The following FGD5 variants were observed in gnomAD, a reference collection of about 807,000 sequenced individuals.
FGD5 encodes the protein FYVE, RhoGEF and PH domain-containing protein 5.
FGD5 carries 28 observed loss-of-function variants against 133.4 expected under a neutral mutation model. That is an observed-to-expected ratio of 0.21 (90% CI 0.16 to 0.29). The LOEUF (loss-of-function observed/expected upper bound fraction) is 0.29. FGD5 is among the 10% of genes least tolerant of loss of function. The probability of loss-of-function intolerance (pLI) is 1.00; values close to 1 mark genes in which losing one functional copy is unlikely to be tolerated. For synonymous variants in FGD5, 810 were observed against 776.5 expected (o/e 1.04, Z -0.72); for missense variants, 1,858 against 1,895.2 (o/e 0.98, Z 0.36).
At chr3:14,867,430 G>A (rs536832151) in intron 2 of FGD5, among the ~76,000 whole-genome samples, 2 of 152,310 alleles carry the variant, frequency 1.3e-5, no homozygotes, top group African/African-American at 4.8e-5. Flanking sequence ...AGTTTCATCA[G>A]CATTGCAGTG....
At chr3:14,902,466 C>T (rs2038258656) in intron 9 of FGD5, among the ~76,000 whole-genome samples, 1 of 151,938 alleles carries the variant, frequency 6.6e-6, no homozygotes, top group African/African-American at 2.4e-5. Context: ...GCGTTGGGGA[C>T]AGGATGGCAA....
chr3:14,924,253 C>G, intron 17 of FGD5, 115 bp downstream of exon 17: 1 of 1,483,784 alleles, frequency 6.7e-7, no homozygotes, highest in East Asian at 2.3e-5. Flanking sequence ...CTCTTCCAGA[C>G]AGAGCATTCC....
intron 1 of FGD5, among the ~76,000 whole-genome samples, chr3:14,843,664 AT>A (rs2036968196): frequency 6.8e-6 from 1 of 146,342 alleles, no homozygotes; most frequent in Admixed American, 6.8e-5. Flanking sequence ...CTTGGGCTCT[AT>A]ACCTGTGCAT....
chr3:14,827,641 C>T (rs1223637022), intron 1 of FGD5, among the ~76,000 whole-genome samples: 2 of 152,116 alleles, frequency 1.3e-5, no homozygotes, highest in African/African-American at 2.4e-5. Context: ...TTTCTGCTGG[C>T]TGGTGGGTTT....
intron 1 of FGD5, among the ~76,000 whole-genome samples, chr3:14,862,794 T>G (rs2037423553): frequency 6.6e-6 from 1 of 152,080 alleles, no homozygotes; most frequent in Admixed American, 6.5e-5. Context: ...CAACCCATTA[T>G]GTCAGTGGAG....
chr3:14,887,987 G>C (rs1374368499), intron 4 of FGD5, among the ~76,000 whole-genome samples: 2 of 146,144 alleles, frequency 1.4e-5, no homozygotes, highest in Non-Finnish European at 3.0e-5. Context: ...GAAACATAGT[G>C]AGACCCCATC....
chr3:14,927,230 C>A (rs973402109), intron 18 of FGD5, among the ~76,000 whole-genome samples: 2 of 152,226 alleles, frequency 1.3e-5, no homozygotes, highest in African/African-American at 4.8e-5. Context: ...GGGCCTTTGC[C>A]TGTGTCCACA....
In FGD5 at chr3:14,819,101, C is replaced by A; in HGVS notation, c.30C>A (p.Ala10=). Residue 10 remains alanine (A), a synonymous_variant, in exon 1 of 20, where the codon GCC becomes GCA. Transcript: ENST00000285046. This position sits in a 1 kb window ranked among gnomAD's most constrained non-coding sequence, Gnocchi z 4.1. The part of the protein sequence containing the change: MFRGPKPPI[A]PKPRLTAPNE... Reference sequence around the variant, plus strand: ...TCAGGGGTCCGAAGCCCCCCATTGCCCCCAAGCCCAGGCTGACTGCCCCAA... The same window carrying A: ...TCAGGGGTCCGAAGCCCCCCATTGCACCCAAGCCCAGGCTGACTGCCCCAA... The A allele has an allele frequency of 6.5e-7, 1 of 1,550,118 alleles. No homozygotes were observed. The highest frequency in any genetic ancestry group is 1.4e-5 in the African/African-American group (1 of 73,106).
intron 1 of FGD5, among the ~76,000 whole-genome samples, chr3:14,842,027 A>G (rs1053946416): frequency 1.3e-5 from 2 of 152,226 alleles, no homozygotes; most frequent in Admixed American, 1.3e-4. Flanking sequence ...AAGGCATCCC[A>G]GCTTGGGCAG....
intron 1 of FGD5, among the ~76,000 whole-genome samples, chr3:14,853,775 C>T (rs2037216314): frequency 6.9e-6 from 1 of 144,048 alleles, no homozygotes; most frequent in Admixed American, 7.2e-5. Context: ...CCGGGTTACA[C>T]AGCGTTCATC....
At chr3:14,860,204 G>A (rs965040717) in intron 1 of FGD5, among the ~76,000 whole-genome samples, 10 of 152,290 alleles carry the variant, frequency 6.6e-5, no homozygotes, top group Admixed American at 2.0e-4. Flanking sequence ...TAGGTATGCC[G>A]TGGCTGTGGC....
chr3:14,915,949 G>C (rs1236248942), intron 11 of FGD5, among the ~76,000 whole-genome samples: 2 of 152,312 alleles, frequency 1.3e-5, no homozygotes, highest in Non-Finnish European at 2.9e-5. Context: ...GGCATCATTT[G>C]TACAGGGCTC....
rs555378624 is a variant in FGD5, at chr3:14,821,263, A to G, written c.2192A>G (p.Lys731Arg). 1 of 1,613,952 alleles carries G rather than the reference A, an allele frequency of 6.2e-7. No homozygotes were observed. The highest frequency in any genetic ancestry group is 1.1e-5 in the South Asian group (1 of 91,080). ...SLIFYRDGKR[K>R]GVPFSRTVSR... is the part of the protein sequence containing the mutation. ...ATCTTTTATAGAGATGGCAAGAGGA[A>G]AGGTGTCCCCTTCAGCAGGACGGTG... Residue 731 changes from lysine to arginine, a missense_variant, in exon 1 of 20, where the codon AAA becomes AGA. By Grantham distance (26) the Lys-to-Arg change is conservative (BLOSUM62 2). Coordinates refer to ENST00000285046, the MANE Select transcript of FGD5 (RefSeq NM_152536.4).
chr3:14,854,432 T>TATTTATTTATTTATTGATTG (rs374445929), intron 1 of FGD5, among the ~76,000 whole-genome samples: 4 of 143,364 alleles, frequency 2.8e-5, no homozygotes, highest in African/African-American at 7.9e-5. Context: ...TTTATTTATT[T>TATTTATTTATTTATTGATTG]ATTGAGACGA....
intron 1 of FGD5, among the ~76,000 whole-genome samples, chr3:14,839,146 A>G (rs970377721): frequency 2.0e-5 from 3 of 152,248 alleles, no homozygotes; most frequent in Admixed American, 2.0e-4. Flanking sequence ...GTTTCTCAAC[A>G]CTAGGAAGTG....
chr3:14,873,822 A>G (rs890556302), intron 2 of FGD5, among the ~76,000 whole-genome samples: 18 of 151,956 alleles, frequency 1.2e-4, no homozygotes, highest in Admixed American at 9.2e-4. Flanking sequence ...CCCGGGTTCA[A>G]GATATTCTCC....
exon 20 of FGD5, chr3:14,934,568 CTAAG>C (rs1445459678): frequency 6.6e-6 from 1 of 152,150 alleles, no homozygotes; most frequent in Non-Finnish European, 1.5e-5. Context: ...ATGGTTCACA[CTAAG>C]TGATTAGACA....
chr3:14,834,339 CTT>C (rs2036774293), intron 1 of FGD5, among the ~76,000 whole-genome samples: 1 of 152,216 alleles, frequency 6.6e-6, no homozygotes, highest in African/African-American at 2.4e-5. Context: ...GCCTCAGTCT[CTT>C]CATCTGTTAG....
intron 4 of FGD5, among the ~76,000 whole-genome samples, chr3:14,888,787 G>A (rs1211702983): frequency 1.3e-5 from 2 of 152,216 alleles, no homozygotes; most frequent in African/African-American, 2.4e-5. Flanking sequence ...GATGATGGAA[G>A]TGCAGAACAA....
Sources: gnomAD v4.1 joint callset for allele counts (sites outside exome capture counted in the v4.1 genomes callset) on GRCh38, gnomAD v4.1.1 for gene constraint, Gnocchi (gnomAD v3.1) non-coding constraint, MANE v1.5 for transcripts, NCBI Gene and HGNC (gene_info 2026-07-23, HGNC 2026-07-21) for gene names.